ATP10D: variants seen among roughly 807,000 people sequenced by gnomAD.
ATP10D encodes phospholipid-transporting ATPase VD.
Under a neutral mutation model 144.8 loss-of-function variants are expected in ATP10D, and 89 were observed. The ratio of observed to expected loss-of-function variants is 0.61; its 90% confidence interval spans 0.52 to 0.73. The LOEUF is 0.73. ATP10D is among the 30% of genes least tolerant of loss of function. The pLI is 0.00. For missense variants in ATP10D, 1,603 were observed against 1,714.8 expected (o/e 0.93, Z 1.15); for synonymous variants, 571 against 615.1 (o/e 0.93, Z 1.06).
In ATP10D at chr4:47,567,339, A is replaced by G. The variant is rs180720322; in HGVS notation, c.2854-1498A>G. Among the ~76,000 whole-genome samples, 153 of 152,362 alleles carry G rather than the reference A, an allele frequency of 1.0e-3. 1 individual carries two copies. The highest frequency in any genetic ancestry group is 3.5e-3 in the African/African-American group (146 of 41,592). On this transcript the variant is annotated intron_variant, in intron 15 of 22. Transcript: ENST00000273859. ...AAAAAATAGTTAATTTGTAAAACCT[A>G]AACACATACTCAAATAAATAGAAGA...
At position 47,557,681 on chromosome 4, in the gene ATP10D, G is replaced by A. The variant is rs748763272; in HGVS notation, c.1842G>A (p.Leu614=). ...QPRQKIRHPS[L]GGLPIKSLEE... ...TTTCATAGATCAGACACCCTTCACT[G>A]GGGGGGTTGCCCATTAAGTCTTTGG... Residue 614 remains leucine, a synonymous_variant, in exon 12 of 23, where the codon CTG becomes CTA. Coordinates refer to ENST00000273859, the MANE Select transcript of ATP10D (RefSeq NM_020453.4). The A allele has an allele frequency of 1.4e-5, 22 of 1,607,414 alleles. No individual in the cohort carries two copies. Among genetic ancestry groups the A allele is most frequent in the Non-Finnish European group, 1.8e-5 (21 of 1,175,070 alleles).
intron 1 of ATP10D, among the ~76,000 whole-genome samples, chr4:47,508,259 T>G (rs1227151873): frequency 6.6e-6 from 1 of 152,218 alleles, no homozygotes; most frequent in Non-Finnish European, 1.5e-5. Flanking sequence ...TTCGGTTTTC[T>G]GTTTGTATCC....
rs1560463571 is a variant in ATP10D at position 47,592,352 on chromosome 4, A to T, written c.*971A>T. The T allele has an allele frequency of 6.5e-6, 1 of 152,682 alleles. No individual in the cohort carries two copies. Among genetic ancestry groups the T allele is most frequent in the East Asian group, 1.9e-4 (1 of 5,184 alleles). 9.5% of individuals were successfully genotyped at this position (152,682 alleles called of 1,614,324 possible). ...TTTCAGGTGTTGGAGCCTCTAAAAT[A>T]TGAGATATAAACAGAAACTAATACA... On this transcript the variant is annotated 3_prime_UTR_variant, in exon 23 of 23. Coordinates refer to ENST00000273859, the MANE Select transcript of ATP10D (RefSeq NM_020453.4).
At chr4:47,525,349 A>T (rs1189273968) in intron 4 of ATP10D, among the ~76,000 whole-genome samples, 1 of 152,092 alleles carries the variant, frequency 6.6e-6, no homozygotes, top group East Asian at 1.9e-4. Context: ...TCACCTGCAG[A>T]TGTTTAATAA....
chr4:47,546,137 C>T (rs866679824), intron 9 of ATP10D, among the ~76,000 whole-genome samples: 4 of 152,146 alleles, frequency 2.6e-5, no homozygotes, highest in Non-Finnish European at 2.9e-5. Flanking sequence ...TAAGGATGGA[C>T]GTGATCATTG....
intron 9 of ATP10D, among the ~76,000 whole-genome samples, chr4:47,539,389 G>C (rs1718017391): frequency 1.3e-5 from 2 of 152,030 alleles, no homozygotes. Context: ...TCTGCATTAT[G>C]TTTCATCTTA....
At chr4:47,513,718 G>C (rs955548799) in intron 2 of ATP10D, among the ~76,000 whole-genome samples, 2 of 152,232 alleles carry the variant, frequency 1.3e-5, no homozygotes, top group Non-Finnish European at 2.9e-5. Context: ...AAGTCAGAAA[G>C]ATAGATGTGA....
intron 1 of ATP10D, among the ~76,000 whole-genome samples, chr4:47,501,986 A>G (rs1412952134): frequency 6.6e-6 from 1 of 152,206 alleles, no homozygotes. Flanking sequence ...ATATATGTTT[A>G]TGCTTTTTTC....
In ATP10D at chr4:47,568,988, A is replaced by G. The variant is rs769954709; in HGVS notation, c.3005A>G (p.Lys1002Arg). Residue 1002 changes from lysine to arginine, a missense_variant, in exon 16 of 23, where the codon AAG (lysine) becomes AGG (arginine). Lys to Arg is a conservative substitution (Grantham distance 26). Transcript: ENST00000273859. ...GLRAGLIITG[K>R]TLEFALQESL... ...CGAGCTGGACTCATTATCACTGGGA[A>G]GACCCTGGAGTTTGCCCTGCAAGAA... 1.9e-6 allele frequency: 3 copies of G among 1,614,190 alleles called. No individual in the cohort carries two copies. In the South Asian group the frequency reaches 3.3e-5, roughly 18 times the overall value.
At position 47,572,871 on chromosome 4, in the gene ATP10D, G is replaced by A; in HGVS notation, c.3241-1G>A. On this transcript the variant is annotated splice_acceptor_variant, in intron 17 of 22. Transcript: ENST00000273859. LOFTEE classifies it high-confidence loss of function. ...GCATTCTCTCCCCATTGCATCTGCA[G>A]GCTGTGATGGCCAGTGACTTTGCCG... 6.2e-7 allele frequency: 1 copy of A among 1,614,142 alleles called. No individual in the cohort carries two copies.
At chr4:47,565,891 T>C (rs1275811935) in intron 15 of ATP10D, among the ~76,000 whole-genome samples, 2 of 152,370 alleles carry the variant, frequency 1.3e-5, no homozygotes, top group African/African-American at 2.4e-5. Context: ...TTGCTATCGA[T>C]AGCTATTCCA....
At chr4:47,555,503 G>A (rs1247730246) in intron 11 of ATP10D, among the ~76,000 whole-genome samples, 1 of 152,180 alleles carries the variant, frequency 6.6e-6, no homozygotes. Context: ...TTACAGATGA[G>A]GCTAAGTAAT....
Position 47,555,245 on chromosome 4 carries a change from C to T in ATP10D, c.1824+331C>T, listed in dbSNP as rs568943548. ...TTAGATTCTCATAGGAACGCGAACC[C>T]TATTATGAACTGCATATGCAAGGGA... On this transcript the variant is annotated intron_variant, in intron 11 of 22. Coordinates refer to ENST00000273859, the MANE Select transcript of ATP10D (RefSeq NM_020453.4). 7.4e-4 allele frequency among the ~76,000 whole-genome samples: 112 copies of T among 152,288 alleles called. 1 individual carries two copies. The highest frequency in any genetic ancestry group is 2.1e-3 in the South Asian group (10 of 4,818).
intron 5 of ATP10D, among the ~76,000 whole-genome samples, chr4:47,528,401 C>T (rs1335040354): frequency 6.6e-6 from 1 of 151,472 alleles, no homozygotes; most frequent in Non-Finnish European, 1.5e-5. Flanking sequence ...CAAGCTCCAT[C>T]CATGTTGCTG....
At chr4:47,494,637 A>G (rs1167612425) in intron 1 of ATP10D, among the ~76,000 whole-genome samples, 1 of 151,762 alleles carries the variant, frequency 6.6e-6, no homozygotes, top group Non-Finnish European at 1.5e-5. Flanking sequence ...TATTAGAAAT[A>G]ATCAGAAAGA....
At chr4:47,543,016 C>A (rs139416169) in intron 9 of ATP10D, among the ~76,000 whole-genome samples, 90 of 152,202 alleles carry the variant, frequency 5.9e-4, no homozygotes, top group Non-Finnish European at 1.1e-3. Context: ...TACAGTATTA[C>A]CCCCTTATCT....
Position 47,497,451 on chromosome 4 carries a change from G to A in ATP10D, c.-38+11932G>A, listed in dbSNP as rs570937971. On this transcript the variant is annotated intron_variant, in intron 1 of 22. Transcript: ENST00000273859. Reference sequence around the variant, plus strand: ...GCCTGGACAACAAGAGCGAAACTCCGTCTCAAATAAAAAAAAAAATAGATC... The same window carrying A: ...GCCTGGACAACAAGAGCGAAACTCCATCTCAAATAAAAAAAAAAATAGATC... Among the ~76,000 whole-genome samples the A allele has an allele frequency of 2.2e-3, 337 of 151,776 alleles. 1 individual carries two copies. Among genetic ancestry groups the A allele is most frequent in the African/African-American group, 6.0e-3 (250 of 41,354 alleles).
chr4:47,559,169 A>G, intron 13 of ATP10D, 140 bp downstream of exon 13: 1 of 610,034 alleles, frequency 1.6e-6, no homozygotes, highest in Non-Finnish European at 2.9e-6. Flanking sequence ...TACCTTCTCT[A>G]TTCCATATAT....
chr4:47,569,977 C>T (rs1719866532), intron 16 of ATP10D, among the ~76,000 whole-genome samples: 1 of 152,042 alleles, frequency 6.6e-6, no homozygotes. Flanking sequence ...AGAGAAGCAG[C>T]AGAGGGCCAG....
Sources: gnomAD v4.1 joint callset for allele counts (sites outside exome capture counted in the v4.1 genomes callset) on GRCh38, gnomAD v4.1.1 for gene constraint, MANE v1.5 for transcripts, NCBI Gene and HGNC (gene_info 2026-07-23, HGNC 2026-07-21) for gene names.